The following AGAP1 variants were observed in gnomAD, a reference collection of about 807,000 sequenced individuals.
AGAP1 encodes arf-GAP with GTPase, ANK repeat and PH domain-containing protein 1.
Under a neutral mutation model 105.3 loss-of-function variants are expected in AGAP1, and 29 were observed. The observed-to-expected ratio is 0.28, with a 90% CI of 0.21 to 0.38. The LOEUF is 0.38. Ranked by LOEUF, AGAP1 falls within the 10% of genes least tolerant of loss-of-function variation. The probability of loss-of-function intolerance (pLI) is 1.00; values close to 1 mark genes in which losing one functional copy is unlikely to be tolerated. For synonymous variants in AGAP1, 509 were observed against 485.9 expected (o/e 1.05, Z -0.63); for missense variants, 998 against 1,165.1 (o/e 0.86, Z 2.09).
At chr2:235,831,130 A>C (rs1171746483) in intron 9 of AGAP1, among the ~76,000 whole-genome samples, 3 of 151,650 alleles carry the variant, frequency 2.0e-5, no homozygotes, top group Admixed American at 2.0e-4. Context: ...GCTGTTAGGG[A>C]ATCACATTCG....
chr2:235,825,498 A>G (rs1959015153), intron 9 of AGAP1, among the ~76,000 whole-genome samples: 2 of 152,198 alleles, frequency 1.3e-5, no homozygotes, highest in Admixed American at 6.5e-5. Flanking sequence ...ACTTATGCAT[A>G]TAAATATCAT....
rs931762570 is a variant in AGAP1, at chr2:235,962,456, G to C, written c.1484-6006G>C. Among the ~76,000 whole-genome samples the C allele has an allele frequency of 4.6e-5, 7 of 152,124 alleles. No homozygotes were observed. The highest frequency in any genetic ancestry group is 1.7e-4 in the African/African-American group (7 of 41,426). ...AAGAAAAACCGTGGGATGTGAGCGG[G>C]TTGGACGTCAGATGGCATGGAACTC... On this transcript the variant is annotated intron_variant, in intron 12 of 17. Transcript: ENST00000304032. The surrounding 1 kb of genome is among the most constrained non-coding windows in gnomAD (Gnocchi z 5.3).
In AGAP1 at chr2:235,675,767, C is replaced by T. The variant is rs139494322; in HGVS notation, c.164-33412C>T. ...TCAGCCAGGGAACCTTCTAAGTCAC[C>T]GCTGTGGGCTGTGTCCTGCTGTTTA... On this transcript the variant is annotated intron_variant, in intron 1 of 17. Transcript: ENST00000304032. Among the ~76,000 whole-genome samples, 490 of 152,242 alleles carry T rather than the reference C, an allele frequency of 3.2e-3. 2 individuals are homozygous for T. The highest frequency in any genetic ancestry group is 0.011 in the African/African-American group (457 of 41,530).
chr2:235,975,509 A>G (rs76644036), intron 13 of AGAP1, among the ~76,000 whole-genome samples: 3,160 of 152,206 alleles, frequency 0.021, 118 homozygotes, highest in African/African-American at 0.073. Flanking sequence ...TGTTATTTAG[A>G]ATATAACAAG....
intron 12 of AGAP1, among the ~76,000 whole-genome samples, chr2:235,948,329 T>C (rs2317009): frequency 0.63 from 94,637 of 151,008 alleles, 31,071 homozygotes; most frequent in African/African-American, 0.83. Context: ...ACCACAGGCA[T>C]GCGCCACCAT....
rs552271016 is a variant in AGAP1, at chr2:235,552,010, G to A, written c.163+57161G>A. 6.6e-6 allele frequency among the ~76,000 whole-genome samples: 1 copy of A among 152,354 alleles called. No individual in the cohort carries two copies. Among genetic ancestry groups the A allele is most frequent in the African/African-American group, 2.4e-5 (1 of 41,584 alleles). On this transcript the variant is annotated intron_variant, in intron 1 of 17. Coordinates refer to ENST00000304032, the MANE Select transcript of AGAP1 (RefSeq NM_001037131.3). The surrounding 1 kb of genome is among the most constrained non-coding windows in gnomAD (Gnocchi z 5.9). ...AAAGAACTCTAGTTGGAGTTGTAGA[G>A]CTAATGTTTTTTTCTCTGGTCCCTG...
At chr2:235,671,375 C>T (rs1352829222) in intron 1 of AGAP1, among the ~76,000 whole-genome samples, 3 of 152,180 alleles carry the variant, frequency 2.0e-5, no homozygotes, top group African/African-American at 7.2e-5. Flanking sequence ...CGGGAGCGGG[C>T]CCTGAGCTGG....
chr2:235,704,067 C>G (rs563458462), intron 1 of AGAP1, among the ~76,000 whole-genome samples: 1 of 152,306 alleles, frequency 6.6e-6, no homozygotes, highest in African/African-American at 2.4e-5. Context: ...CTCCCTGACC[C>G]CTCACACCCA....
In AGAP1 at chr2:235,965,497, C is replaced by T. The variant is rs530235244; in HGVS notation, c.1484-2965C>T. ...AACACAGTGGATTTAAACCCTCTAT[C>T]TGGATAGGAACCTTGTCTGGAGAGG... On this transcript the variant is annotated intron_variant, in intron 12 of 17. Transcript: ENST00000304032. The surrounding 1 kb of genome is among the most constrained non-coding windows in gnomAD (Gnocchi z 5.8). Among the ~76,000 whole-genome samples, 1 of 152,308 alleles carries T rather than the reference C, an allele frequency of 6.6e-6. No individual in the cohort carries two copies. Among genetic ancestry groups the T allele is most frequent in the East Asian group, 1.9e-4 (1 of 5,174 alleles).
intron 12 of AGAP1, among the ~76,000 whole-genome samples, chr2:235,943,226 C>G (rs888470849): frequency 6.6e-6 from 1 of 152,182 alleles, no homozygotes; most frequent in African/African-American, 2.4e-5. Context: ...AGGTTAAGAA[C>G]CGTCAATCAT....
Position 236,038,872 on chromosome 2 carries a change from G to A in AGAP1, c.1801-1879G>A, listed in dbSNP as rs956298970. On this transcript the variant is annotated intron_variant, in intron 14 of 17. Coordinates refer to ENST00000304032, the MANE Select transcript of AGAP1 (RefSeq NM_001037131.3). The surrounding 1 kb of genome is among the most constrained non-coding windows in gnomAD (Gnocchi z 4.5). ...GTGATCACACACTTGCATTCCAGAT[G>A]CCAGTGTAAACTGTTTAAACATATT... Among the ~76,000 whole-genome samples the A allele has an allele frequency of 1.9e-4, 29 of 151,874 alleles. No individual in the cohort carries two copies. Among genetic ancestry groups the A allele is most frequent in the Non-Finnish European group, 2.9e-4 (20 of 68,004 alleles).
At chr2:235,916,698 G>A (rs1309459579) in intron 11 of AGAP1, among the ~76,000 whole-genome samples, 1 of 152,228 alleles carries the variant, frequency 6.6e-6, no homozygotes, top group Non-Finnish European at 1.5e-5. Flanking sequence ...CCTTTGAAAA[G>A]CTTGGCCGAT....
intron 3 of AGAP1, among the ~76,000 whole-genome samples, chr2:235,738,867 A>G (rs1253021113): frequency 6.6e-6 from 1 of 151,952 alleles, no homozygotes; most frequent in East Asian, 1.9e-4. Context: ...CTTAAATGTT[A>G]TTTTTCTTAA....
chr2:235,574,224 GT>G lies in AGAP1; in HGVS notation c.163+79378del. On this transcript the variant is annotated intron_variant, in intron 1 of 17. Transcript: ENST00000304032. The surrounding 1 kb of genome is among the most constrained non-coding windows in gnomAD (Gnocchi z 5.0). ...GGGCCTGGACGGACTCTTTCAGGTT[GT>G]TTGGATAATCATCCTAAAAACGCCT... Among the ~76,000 whole-genome samples the G allele has an allele frequency of 6.6e-6, 1 of 152,164 alleles. No individual in the cohort carries two copies. Among genetic ancestry groups the G allele is most frequent in the Admixed American group, 6.5e-5 (1 of 15,296 alleles).
intron 8 of AGAP1, among the ~76,000 whole-genome samples, chr2:235,802,856 T>C (rs1248820339): frequency 1.4e-5 from 2 of 144,906 alleles, no homozygotes; most frequent in Non-Finnish European, 3.0e-5. Context: ...GTGATGATGG[T>C]TGTGATGGTG....
chr2:235,935,462 G>A (rs1229248901), intron 12 of AGAP1, among the ~76,000 whole-genome samples: 1 of 152,178 alleles, frequency 6.6e-6, no homozygotes. Flanking sequence ...AATTTTTGCA[G>A]CAAGAGAGAA....
chr2:236,075,534 T>C (rs1383267405), intron 16 of AGAP1, among the ~76,000 whole-genome samples: 1 of 152,112 alleles, frequency 6.6e-6, no homozygotes, highest in Non-Finnish European at 1.5e-5. Context: ...CCCAGATCTT[T>C]TTCCTTGGTT....
chr2:235,744,134 T>C lies in AGAP1; in HGVS notation c.397-564T>C, dbSNP rs1952747258. ...TTCCCTGAAAATAAGTAGTCATTTCTTTGCAGAGGTGCAGCAGGAGTTCAG... is the reference window on the plus strand; with the variant it reads ...TTCCCTGAAAATAAGTAGTCATTTCCTTGCAGAGGTGCAGCAGGAGTTCAG... On this transcript the variant is annotated intron_variant, in intron 4 of 17. Coordinates refer to ENST00000304032, the MANE Select transcript of AGAP1 (RefSeq NM_001037131.3). This position sits in a 1 kb window ranked among gnomAD's most constrained non-coding sequence, Gnocchi z 5.2. 6.6e-6 allele frequency among the ~76,000 whole-genome samples: 1 copy of C among 152,236 alleles called. No homozygotes were observed.
rs146145042 is a variant in AGAP1 at position 235,773,738 on chromosome 2, A to G, written c.673+23250A>G. 27 of 364,844 alleles carry G rather than the reference A, an allele frequency of 7.4e-5. 1 individual carries two copies. The highest frequency in any genetic ancestry group is 4.3e-4 in the African/African-American group (20 of 46,720). 22.6% of individuals were successfully genotyped at this position (364,844 alleles called of 1,614,324 possible). ...GGACTGGTGAGTCATGTCCTCTCCT[A>G]TGGAAGTTTCCTGAGATGGGGGCTG... is the stretch of plus-strand genomic sequence containing the variant. On this transcript the variant is annotated intron_variant, in intron 6 of 17. Transcript: ENST00000304032.
Sources: gnomAD v4.1 joint callset for allele counts (sites outside exome capture counted in the v4.1 genomes callset) on GRCh38, gnomAD v4.1.1 for gene constraint, Gnocchi (gnomAD v3.1) non-coding constraint, MANE v1.5 for transcripts, NCBI Gene and HGNC (gene_info 2026-07-23, HGNC 2026-07-21) for gene names.